Variants in PLOD1 observed in about 807,000 individuals in gnomAD.
PLOD1 encodes the protein lysine hydroxylase.
A neutral mutation model predicts 94.7 loss-of-function variants in PLOD1; 70 were observed. That is an observed-to-expected ratio of 0.74 (90% CI 0.61 to 0.90). The LOEUF (loss-of-function observed/expected upper bound fraction) is 0.90. Ranked by LOEUF, PLOD1 falls within the 40% of genes least tolerant of loss-of-function variation. The pLI is 0.00. For synonymous variants in PLOD1, 417 were observed against 400.2 expected, an observed-to-expected ratio of 1.04 and a Z score of -0.50; for missense variants, 905 against 972.7, an observed-to-expected ratio of 0.93 and a Z score of 0.93.
chr1:11,964,026 C>A (rs1645797908), intron 11 of PLOD1, 149 bp from the exon 12 acceptor site: 1 of 863,302 alleles, frequency 1.2e-6, no homozygotes, highest in Non-Finnish European at 1.9e-6. Flanking sequence ...ACCCCCGACA[C>A]CCCGGCCAAG....
Position 11,958,648 on chromosome 1 carries a change from G to A in PLOD1, c.975+1G>A. The stretch of plus-strand genomic sequence containing the variant: ...CATGCGACTTTTCATCCACAACCAC[G>A]TGAGTAACAGGCGCTCTGTGGGGTC... On this transcript the variant is annotated splice_donor_variant, in intron 9 of 18. Coordinates refer to ENST00000196061, the MANE Select transcript of PLOD1 (RefSeq NM_000302.4). LOFTEE classifies it high-confidence loss of function. The surrounding 1 kb of genome is among the most constrained non-coding windows in gnomAD (Gnocchi z 4.3). 1.2e-6 allele frequency: 2 copies of A among 1,614,038 alleles called. No individual in the cohort carries two copies. Among genetic ancestry groups the A allele is most frequent in the Non-Finnish European group, 1.7e-6 (2 of 1,180,022 alleles).
chr1:11,937,365 G>A (rs886665020), intron 1 of PLOD1, among the ~76,000 whole-genome samples: 6 of 152,160 alleles, frequency 3.9e-5, no homozygotes, highest in Admixed American at 3.9e-4. Flanking sequence ...AAAGGCCCTC[G>A]GCAAAGGGCA....
At chr1:11,951,521 G>C (rs1645701601) in intron 4 of PLOD1, among the ~76,000 whole-genome samples, 1 of 150,742 alleles carries the variant, frequency 6.6e-6, no homozygotes, top group African/African-American at 2.4e-5. Flanking sequence ...AGCTGAGATG[G>C]TGCCACTGCA....
intron 1 of PLOD1, among the ~76,000 whole-genome samples, chr1:11,939,298 C>T (rs1645600150): frequency 6.6e-6 from 1 of 152,118 alleles, no homozygotes; most frequent in Non-Finnish European, 1.5e-5. Flanking sequence ...TGCAGGGCAT[C>T]CCAAGCTCCT....
chr1:11,943,399 C>G lies in PLOD1; in HGVS notation c.77-4577C>G, dbSNP rs1964840. Among the ~76,000 whole-genome samples, 8 of 151,794 alleles carry G rather than the reference C, an allele frequency of 5.3e-5. No individual in the cohort carries two copies. The East Asian group carries it at 1.2e-3, about 22-fold the overall frequency. On this transcript the variant is annotated intron_variant, in intron 1 of 18. Transcript: ENST00000196061. ...GCAGCCGCCACCTCCCGGGTTCAAG[C>G]GATTCTCTTGCCTGAGCCTCACGAG... is the stretch of plus-strand genomic sequence containing the variant.
chr1:11,966,492 G>A (rs976439562), intron 15 of PLOD1, 176 bp downstream of exon 15: 1 of 253,124 alleles, frequency 4.0e-6, no homozygotes, highest in Non-Finnish European at 7.8e-6. Context: ...GGAATGGGGG[G>A]GCGGCGGGAT....
intron 18 of PLOD1, among the ~76,000 whole-genome samples, chr1:11,974,197 T>C (rs137977282): frequency 4.6e-4 from 69 of 151,446 alleles, no homozygotes; most frequent in African/African-American, 1.5e-3. Context: ...CACTTACTCT[T>C]TGGGTTTTTT....
In PLOD1 at chr1:11,970,775, G is replaced by GC; in HGVS notation, c.1862dup (p.Pro622AlafsTer17). 2 of 1,610,914 alleles carry GC rather than the reference G, an allele frequency of 1.2e-6. No homozygotes were observed. The highest frequency in any genetic ancestry group is 1.7e-6 in the Non-Finnish European group (2 of 1,179,564). On this transcript the variant is annotated frameshift_variant, in exon 17 of 19. Transcript: ENST00000196061. LOFTEE classifies it high-confidence loss of function. ...GCACAAATTCCTGCTGGAGTACATT[G>GC]CGCCCATGACGGAGAAGCTCTACCC...
At chr1:11,955,152 G>C (rs527751372) in intron 6 of PLOD1, among the ~76,000 whole-genome samples, 3 of 152,240 alleles carry the variant, frequency 2.0e-5, no homozygotes, top group Non-Finnish European at 4.4e-5. Context: ...TGGACCCCCT[G>C]CCCTGCATAC....
At chr1:11,941,470 T>G (rs201648787) in intron 1 of PLOD1, among the ~76,000 whole-genome samples, 1 of 120,406 alleles carries the variant, frequency 8.3e-6, no homozygotes, top group Non-Finnish European at 1.7e-5. Flanking sequence ...TAGCTGGGAT[T>G]ATTATTATTA....
At chr1:11,969,517 A>G (rs757503080) in intron 16 of PLOD1, among the ~76,000 whole-genome samples, 9 of 152,308 alleles carry the variant, frequency 5.9e-5, no homozygotes, top group Non-Finnish European at 1.0e-4. Context: ...CTTGTGCTCC[A>G]GTGACAGGGC....
At chr1:11,952,584 T>C (rs1645710443) in intron 4 of PLOD1, 39 bp from the exon 5 acceptor site, 7 of 1,470,270 alleles carry the variant, frequency 4.8e-6, no homozygotes, top group Non-Finnish European at 6.7e-6. Context: ...GGCTGGAAGC[T>C]AAGGGTCCGT....
chr1:11,950,603 C>T (rs754127776), intron 4 of PLOD1, 83 bp downstream of exon 4: 169 of 1,273,294 alleles, frequency 1.3e-4, no homozygotes, highest in Non-Finnish European at 1.7e-4. Context: ...GTTTGACGTG[C>T]AATCTGGGTG....
Position 11,951,246 on chromosome 1 carries a change from C to T in PLOD1, c.466+726C>T, listed in dbSNP as rs555679729. Among the ~76,000 whole-genome samples the T allele has an allele frequency of 2.0e-4, 31 of 152,314 alleles. No individual in the cohort carries two copies. In the South Asian group the frequency reaches 6.4e-3, roughly 32 times the overall value. On this transcript the variant is annotated intron_variant, in intron 4 of 18. Transcript: ENST00000196061. ...CATGCCCTTCCAGGCCATTCTCCAT[C>T]CAGCAGCCAGAGGTGTCTTTAAACG...
intron 10 of PLOD1, among the ~76,000 whole-genome samples, chr1:11,961,880 C>G (rs1645780197): frequency 6.6e-6 from 1 of 152,204 alleles, no homozygotes; most frequent in Non-Finnish European, 1.5e-5. Flanking sequence ...CCTCCCCGTC[C>G]CAGGTTCAAG....
Position 11,974,722 on chromosome 1 carries a change from C to T in PLOD1, c.2098C>T (p.His700Tyr). 1.9e-6 allele frequency: 3 copies of T among 1,613,690 alleles called. No individual in the cohort carries two copies. The highest frequency in any genetic ancestry group is 2.2e-5 in the South Asian group (2 of 91,074). ...CCCAAGGAAGGGCTGGACCCTCATG[C>T]ACCCTGGACGACTCACGCATTACCA... ...RAPRKGWTLM[H>Y]PGRLTHYHEG... The change falls in exon 19 of 19, where the codon CAC becomes TAC. Residue 700 changes from histidine (H) to tyrosine (Y), a missense_variant. Transcript: ENST00000196061.
At chr1:11,947,949 A>G (rs769239877) in intron 1 of PLOD1, 27 bp from the exon 2 acceptor site, 1 of 1,473,944 alleles carries the variant, frequency 6.8e-7, no homozygotes, top group South Asian at 1.1e-5. Flanking sequence ...CTCCATTCCC[A>G]TTCACCATAC....
In PLOD1 at chr1:11,963,017, G is replaced by A. The variant is rs1645789726; in HGVS notation, c.1098-515G>A. Among the ~76,000 whole-genome samples, 1 of 151,722 alleles carries A rather than the reference G, an allele frequency of 6.6e-6. No homozygotes were observed. Among genetic ancestry groups the A allele is most frequent in the Non-Finnish European group, 1.5e-5 (1 of 67,972 alleles). On this transcript the variant is annotated intron_variant, in intron 10 of 18. Coordinates refer to ENST00000196061, the MANE Select transcript of PLOD1 (RefSeq NM_000302.4). The surrounding 1 kb of genome is among the most constrained non-coding windows in gnomAD (Gnocchi z 4.3). ...GATTGTGCCATTGCATTCCAGCCTG[G>A]GCAACAGAGTGAGACTCGTTCTCAA...
Position 11,964,172 on chromosome 1 carries a change from CAG to C in PLOD1, c.1203-2_1203-1del. ...CTCCTACTGAGGTGCTCCCTTCCCTCAGGAACGTCATTGCCCCGCTGATGACC... is the reference window on the plus strand; with the variant it reads ...CTCCTACTGAGGTGCTCCCTTCCCTCGAACGTCATTGCCCCGCTGATGACC... On this transcript the variant is annotated splice_acceptor_variant, in intron 11 of 18. Coordinates refer to ENST00000196061, the MANE Select transcript of PLOD1 (RefSeq NM_000302.4). LOFTEE classifies it high-confidence loss of function. The C allele has an allele frequency of 6.2e-7, 1 of 1,613,928 alleles. No homozygotes were observed. The highest frequency in any genetic ancestry group is 8.5e-7 in the Non-Finnish European group (1 of 1,179,974).
Sources: gnomAD v4.1 joint callset for allele counts (sites outside exome capture counted in the v4.1 genomes callset) on GRCh38, gnomAD v4.1.1 for gene constraint, Gnocchi (gnomAD v3.1) non-coding constraint, MANE v1.5 for transcripts, NCBI Gene and HGNC (gene_info 2026-07-23, HGNC 2026-07-21) for gene names.